FAM234B: variants seen among roughly 807,000 people sequenced by gnomAD.
FAM234B encodes the protein protein FAM234B.
FAM234B carries 33 observed loss-of-function variants against 69.3 expected under a neutral mutation model. The ratio of observed to expected loss-of-function variants is 0.48; its 90% CI spans 0.36 to 0.64. The LOEUF (loss-of-function observed/expected upper bound fraction) is 0.64. Among genes scored for constraint, FAM234B ranks in the 30% least tolerant of loss-of-function variants. The pLI is 0.00. For missense variants in FAM234B, 697 were observed against 769.7 expected, an observed-to-expected ratio of 0.91 and a Z score of 1.12; for synonymous variants, 306 against 306.9, an observed-to-expected ratio of 1.00 and a Z score of 0.03.
chr12:13,066,545 T>C, intron 5 of FAM234B, 95 bp from the exon 6 acceptor site: 1 of 1,355,306 alleles, frequency 7.4e-7, no homozygotes, highest in Non-Finnish European at 1.0e-6. Flanking sequence ...TCTGAGCCCG[T>C]GGCTTATGAG....
At chr12:13,046,482 C>T (rs540230996) in intron 1 of FAM234B, among the ~76,000 whole-genome samples, 20 of 151,712 alleles carry the variant, frequency 1.3e-4, no homozygotes, top group African/African-American at 3.9e-4. Context: ...TTTTTTGAGA[C>T]GGAGTTTTGC....
At position 13,069,667 on chromosome 12, in the gene FAM234B, T is replaced by C. The variant is rs145628272; in HGVS notation, c.1368+956T>C. ...GTCAGGGGTTGTATGTGCAGAATCATGAGAGCAGAGAAAAGGTTTGCTGAA... is the reference window on the plus strand; with the variant it reads ...GTCAGGGGTTGTATGTGCAGAATCACGAGAGCAGAGAAAAGGTTTGCTGAA... On this transcript the variant is annotated intron_variant, in intron 9 of 12. Coordinates refer to ENST00000197268, the MANE Select transcript of FAM234B (RefSeq NM_020853.2). Among the ~76,000 whole-genome samples the C allele has an allele frequency of 4.6e-3, 705 of 152,158 alleles. 8 individuals are homozygous for C. Among genetic ancestry groups the C allele is most frequent in the African/African-American group, 0.016 (669 of 41,522 alleles).
chr12:13,054,626 G>A (rs1203659306), intron 1 of FAM234B, among the ~76,000 whole-genome samples: 2 of 152,124 alleles, frequency 1.3e-5, no homozygotes, highest in East Asian at 3.8e-4. Flanking sequence ...GTTTACATTA[G>A]TGATAGATTA....
chr12:13,049,435 C>G (rs1348734212), intron 1 of FAM234B, among the ~76,000 whole-genome samples: 2 of 152,220 alleles, frequency 1.3e-5, no homozygotes, highest in African/African-American at 2.4e-5. Context: ...TCGCCTTGGC[C>G]TCCCAAAGTG....
At position 13,080,778 on chromosome 12, in the gene FAM234B, G is replaced by T. The variant is rs1565513752; in HGVS notation, c.*148G>T. 2 of 639,158 alleles carry T rather than the reference G, an allele frequency of 3.1e-6. No individual in the cohort carries two copies. Among genetic ancestry groups the T allele is most frequent in the Non-Finnish European group, 5.3e-6 (2 of 374,168 alleles). The allele number at this position is 639,158 out of a possible 1,614,324, so 39.6% of individuals were successfully genotyped here. A position where few individuals can be genotyped will look rare whatever the true frequency, so the allele number is the denominator to read the frequency against. The stretch of plus-strand genomic sequence containing the variant: ...TGGTTGCAAAGGCTTGGGAAGGCAT[G>T]TTGGAGTCTTTGACGGCAGCATGAT... On this transcript the variant is annotated 3_prime_UTR_variant, in exon 13 of 13. Transcript: ENST00000197268.
At chr12:13,061,459 C>T in intron 3 of FAM234B, 116 bp from the exon 4 acceptor site, 2 of 745,230 alleles carry the variant, frequency 2.7e-6, no homozygotes, top group South Asian at 3.8e-5. Flanking sequence ...GCTGAATACA[C>T]AAGTGTGGTT....
intron 10 of FAM234B, 98 bp downstream of exon 10, chr12:13,071,494 T>C (rs534074889): frequency 9.5e-6 from 11 of 1,161,582 alleles, no homozygotes; most frequent in Middle Eastern, 5.9e-4. Flanking sequence ...CCCATCACTT[T>C]CCAAGGGGTT....
At chr12:13,060,340 T>C (rs150921510) in intron 3 of FAM234B, among the ~76,000 whole-genome samples, 304 of 152,344 alleles carry the variant, frequency 2.0e-3, no homozygotes, top group Non-Finnish European at 3.5e-3. Context: ...TGATACTAAC[T>C]GTGCGGCAGC....
intron 1 of FAM234B, among the ~76,000 whole-genome samples, chr12:13,045,720 G>T (rs1013575994): frequency 3.3e-5 from 5 of 152,102 alleles, no homozygotes; most frequent in Non-Finnish European, 7.4e-5. Context: ...AAGGAGAGAC[G>T]TGGCCCTTTA....
chr12:13,068,328 G>A lies in FAM234B; in HGVS notation c.1167G>A (p.Met389Ile), dbSNP rs774761749. ...GTGATGGTGTTGAACTACTCCAGAT[G>A]GTGAAGGCACCAGATTCCAACTGCA... is the stretch of plus-strand genomic sequence containing the variant. ...VYSDGVELLQ[M>I]VKAPDSNCSN... The change falls in exon 8 of 13, where the codon ATG becomes ATA. Residue 389 changes from methionine to isoleucine, a missense_variant. This residue lies in a region of FAM234B where 313 missense variants were observed against 305.5 expected (regional missense o/e 1.02). Transcript: ENST00000197268. The A allele has an allele frequency of 3.1e-6, 5 of 1,614,170 alleles. No individual in the cohort carries two copies. In the South Asian group the frequency reaches 5.5e-5, roughly 18 times the overall value.
chr12:13,044,552 G>A lies in FAM234B; in HGVS notation c.37+112G>A. ...CCCTGGCCTCAACCCAGACTCAGCT[G>A]CAGGCGCCCGGTGCCGAGGAGGGTG... is the stretch of plus-strand genomic sequence containing the variant. On this transcript the variant is annotated intron_variant, in intron 1 of 12. Transcript: ENST00000197268. This position sits in a 1 kb window ranked among gnomAD's most constrained non-coding sequence, Gnocchi z 5.6. 1 of 1,206,558 alleles carries A rather than the reference G, an allele frequency of 8.3e-7. No individual in the cohort carries two copies. Among genetic ancestry groups the A allele is most frequent in the Non-Finnish European group, 1.2e-6 (1 of 848,298 alleles). 74.7% of individuals were successfully genotyped at this position (1,206,558 alleles called of 1,614,324 possible). A position where few individuals can be genotyped will look rare whatever the true frequency, so the allele number is the denominator to read the frequency against.
At chr12:13,062,668 T>A in intron 4 of FAM234B, 177 bp from the exon 5 acceptor site, 1 of 560,166 alleles carries the variant, frequency 1.8e-6, no homozygotes, top group South Asian at 2.9e-5. Context: ...AGGATTCGGA[T>A]CACACTGCCT....
At position 13,067,330 on chromosome 12, in the gene FAM234B, A is replaced by T. The variant is rs202100036; in HGVS notation, c.1142+34A>T. Reference sequence around the variant, plus strand: ...GACGTCTGTCCTTGGTCACAGTGAGATCTCTTGTGAACTCACATGCCTTTG... The same window carrying T: ...GACGTCTGTCCTTGGTCACAGTGAGTTCTCTTGTGAACTCACATGCCTTTG... On this transcript the variant is annotated intron_variant, in intron 7 of 12. Coordinates refer to ENST00000197268, the MANE Select transcript of FAM234B (RefSeq NM_020853.2). The surrounding 1 kb of genome is among the most constrained non-coding windows in gnomAD (Gnocchi z 4.7). 4.3e-6 allele frequency: 7 copies of T among 1,610,948 alleles called. No individual in the cohort carries two copies. The East Asian group carries it at 1.6e-4, about 36-fold the overall frequency.
At position 13,068,301 on chromosome 12, in the gene FAM234B, C is replaced by T. The variant is rs1487318310; in HGVS notation, c.1143-3C>T. 1.9e-6 allele frequency: 3 copies of T among 1,614,076 alleles called. No homozygotes were observed. Among genetic ancestry groups the T allele is most frequent in the Non-Finnish European group, 1.7e-6 (2 of 1,179,986 alleles). Reference sequence around the variant, plus strand: ...CTAACCGTTGGGGTCTTATTTAACCCAGTGATGGTGTTGAACTACTCCAGA... The same window carrying T: ...CTAACCGTTGGGGTCTTATTTAACCTAGTGATGGTGTTGAACTACTCCAGA... On this transcript the variant is annotated splice_polypyrimidine_tract_variant and splice_region_variant and intron_variant, in intron 7 of 12. Transcript: ENST00000197268.
In FAM234B at chr12:13,066,712, G is replaced by A. The variant is rs145573782; in HGVS notation, c.925G>A (p.Val309Ile). 33 of 1,614,082 alleles carry A rather than the reference G, an allele frequency of 2.0e-5. 1 individual carries two copies. The South Asian group carries it at 2.3e-4, about 11-fold the overall frequency. Reference sequence around the variant, plus strand: ...GGGTCGACCTGTGAAGTACAACATCGTTGGAGTTGGGAATCTGATTGGTCC... The same window carrying A: ...GGGTCGACCTGTGAAGTACAACATCATTGGAGTTGGGAATCTGATTGGTCC... ...PVGRPVKYNI[V>I]GVGNLIGPQV... The change falls in exon 6 of 13, where the codon GTT (valine) becomes ATT (isoleucine). Residue 309 changes from valine (V) to isoleucine (I), a missense_variant. Physicochemically the swap from Val to Ile is conservative, Grantham distance 29. Around this residue, in one of 3 missense-constraint regions of FAM234B, gnomAD observed 380 missense variants for 447.1 expected, o/e 0.85. Coordinates refer to ENST00000197268, the MANE Select transcript of FAM234B (RefSeq NM_020853.2).
rs1180886170 is a variant in FAM234B at position 13,080,687 on chromosome 12, T to C, written c.*57T>C. ...AACAGAGTGGATACCCTCTCTACTC[T>C]CCTGTCACTGTAAAATCAGTTCTAT... On this transcript the variant is annotated 3_prime_UTR_variant, in exon 13 of 13. Transcript: ENST00000197268. The C allele has an allele frequency of 2.8e-6, 4 of 1,413,350 alleles. No homozygotes were observed. In the Admixed American group the frequency reaches 6.9e-5, roughly 24 times the overall value. 87.6% of individuals were successfully genotyped at this position (1,413,350 alleles called of 1,614,324 possible).
At chr12:13,073,919 C>T (rs1377600378) in intron 10 of FAM234B, among the ~76,000 whole-genome samples, 4 of 152,162 alleles carry the variant, frequency 2.6e-5, no homozygotes, top group Admixed American at 1.3e-4. Context: ...ATGAGCTATC[C>T]GCGTCTAAGC....
chr12:13,057,692 CCT>C (rs1380955576), intron 2 of FAM234B, among the ~76,000 whole-genome samples: 1 of 152,218 alleles, frequency 6.6e-6, no homozygotes, highest in Admixed American at 6.5e-5. Context: ...TGGTGGGCAT[CCT>C]CTGAGTCCAC....
intron 2 of FAM234B, 80 bp downstream of exon 2, chr12:13,056,026 T>A: frequency 7.3e-7 from 1 of 1,372,902 alleles, no homozygotes; most frequent in Non-Finnish European, 9.6e-7. Context: ...CTCCAAATCT[T>A]AAAACTTAAT....
Sources: gnomAD v4.1 joint callset for allele counts (sites outside exome capture counted in the v4.1 genomes callset) on GRCh38, gnomAD v4.1.1 for gene constraint, gnomAD v4.1.1 regional missense constraint, Gnocchi (gnomAD v3.1) non-coding constraint, MANE v1.5 for transcripts, NCBI Gene and HGNC (gene_info 2026-07-23, HGNC 2026-07-21) for gene names.